RPS6KA2: variants seen among roughly 807,000 people sequenced by gnomAD.
RPS6KA2 encodes the protein ribosomal protein S6 kinase A2, also known as ribosomal protein S6 kinase alpha-2.
RPS6KA2 carries 42 observed loss-of-function variants against 91.8 expected under a neutral mutation model. The ratio of observed to expected loss-of-function variants is 0.46; its 90% CI spans 0.36 to 0.59. The LOEUF (loss-of-function observed/expected upper bound fraction) is 0.59. RPS6KA2 is among the 20% of genes least tolerant of loss of function. The pLI, the probability that RPS6KA2 is intolerant of heterozygous loss-of-function variation, is 0.00. For synonymous variants in RPS6KA2, 414 were observed against 393.6 expected (o/e 1.05, Z -0.61); for missense variants, 798 against 978.5 (o/e 0.82, Z 2.46).
At position 166,490,545 on chromosome 6, in the gene RPS6KA2, T is replaced by G; in HGVS notation, c.818+126A>C. 1 of 719,444 alleles carries G rather than the reference T, an allele frequency of 1.4e-6. No homozygotes were observed. 44.6% of individuals were successfully genotyped at this position (719,444 alleles called of 1,614,324 possible). ...AAACCAGTGACTTTTAGAAAACAGC[T>G]TACAATACTTTGGCACTGTAAGCCT... On this transcript the variant is annotated intron_variant, in intron 9 of 20. Coordinates refer to ENST00000265678, the MANE Select transcript of RPS6KA2 (RefSeq NM_021135.6). The surrounding 1 kb of genome is among the most constrained non-coding windows in gnomAD (Gnocchi z 4.2).
At chr6:166,608,973 G>A (rs190168557) in intron 1 of RPS6KA2, among the ~76,000 whole-genome samples, 3 of 152,254 alleles carry the variant, frequency 2.0e-5, no homozygotes, top group Admixed American at 2.0e-4. Flanking sequence ...GGCACTTTCC[G>A]GAACATGTCA....
At position 166,526,187 on chromosome 6, in the gene RPS6KA2, A is replaced by G. The variant is rs144965892; in HGVS notation, c.298+5045T>C. 5.8e-4 allele frequency among the ~76,000 whole-genome samples: 89 copies of G among 152,238 alleles called. 1 individual carries two copies. The Middle Eastern group carries it at 0.01, about 17-fold the overall frequency. ...TTTTCTCTTCAGAAAATAGATTCCAATGAAATTTTTGGGAAAAAAAAATCT... is the reference window on the plus strand; with the variant it reads ...TTTTCTCTTCAGAAAATAGATTCCAGTGAAATTTTTGGGAAAAAAAAATCT... On this transcript the variant is annotated intron_variant, in intron 3 of 20. Transcript: ENST00000265678.
At chr6:166,817,028 AT>A (rs1181020946) in intron 2 of RPS6KA2, among the ~76,000 whole-genome samples, 1 of 152,190 alleles carries the variant, frequency 6.6e-6, no homozygotes, top group Non-Finnish European at 1.5e-5. Flanking sequence ...TCAAACCATG[AT>A]TCAAATAAGG....
rs551325912 is a variant in RPS6KA2 at position 166,411,395 on chromosome 6, C to T, written c.*1367G>A. On this transcript the variant is annotated 3_prime_UTR_variant, in exon 21 of 21. Coordinates refer to ENST00000265678, the MANE Select transcript of RPS6KA2 (RefSeq NM_021135.6). This position sits in a 1 kb window ranked among gnomAD's most constrained non-coding sequence, Gnocchi z 4.5. ...GTGAGGGGCTGAGCGGCGCCTCCTC[C>T]CATCTAGTCTGCTTGGGGGCCGCCA... The T allele has an allele frequency of 6.6e-6, 1 of 152,164 alleles. No individual in the cohort carries two copies. The highest frequency in any genetic ancestry group is 2.1e-4 in the South Asian group (1 of 4,816). 9.4% of individuals were successfully genotyped at this position (152,164 alleles called of 1,614,324 possible). A position where few individuals can be genotyped will look rare whatever the true frequency, so the allele number is the denominator to read the frequency against.
intron 1 of RPS6KA2, among the ~76,000 whole-genome samples, chr6:166,590,422 T>C (rs1785317208): frequency 6.6e-6 from 1 of 152,176 alleles, no homozygotes; most frequent in Non-Finnish European, 1.5e-5. Context: ...ACAGATCCTA[T>C]TTCAGGGCTG....
intron 2 of RPS6KA2, among the ~76,000 whole-genome samples, chr6:166,676,480 C>G (rs968393489): frequency 1.3e-5 from 2 of 152,184 alleles, no homozygotes; most frequent in African/African-American, 4.8e-5. Flanking sequence ...CCACGCCTCA[C>G]CCTCTAGCGG....
At chr6:166,564,413 GC>G (rs1784431648) in intron 1 of RPS6KA2, among the ~76,000 whole-genome samples, 4 of 152,088 alleles carry the variant, frequency 2.6e-5, no homozygotes, top group Admixed American at 2.6e-4. Context: ...TAAACATTCT[GC>G]ACTGCAGAGG....
chr6:166,597,399 G>A (rs942337938), intron 1 of RPS6KA2, among the ~76,000 whole-genome samples: 1 of 152,220 alleles, frequency 6.6e-6, no homozygotes. Flanking sequence ...CTGGCAGCCA[G>A]GCCATGGGGG....
intron 2 of RPS6KA2, among the ~76,000 whole-genome samples, chr6:166,678,274 C>T (rs1170590028): frequency 6.6e-6 from 1 of 152,178 alleles, no homozygotes; most frequent in African/African-American, 2.4e-5. Context: ...CTGCTCCTCA[C>T]GAGGCTCTTC....
chr6:166,510,797 C>T (rs1248674176), intron 3 of RPS6KA2, among the ~76,000 whole-genome samples: 3 of 151,666 alleles, frequency 2.0e-5, no homozygotes, highest in Non-Finnish European at 2.9e-5. Context: ...CTCCCCTCCA[C>T]GTCGTTTTCC....
intron 14 of RPS6KA2, among the ~76,000 whole-genome samples, chr6:166,442,189 G>T (rs750773238): frequency 3.9e-5 from 6 of 152,216 alleles, no homozygotes; most frequent in Non-Finnish European, 8.8e-5. Context: ...GAGCTTTCCA[G>T]CTATTCTGAA....
At chr6:166,488,204 C>A (rs1781474160) in intron 10 of RPS6KA2, among the ~76,000 whole-genome samples, 1 of 150,826 alleles carries the variant, frequency 6.6e-6, no homozygotes, top group Non-Finnish European at 1.5e-5. Context: ...CTGTCTAAAC[C>A]GGAAACACCC....
rs1299255188 is a variant in RPS6KA2, at chr6:166,648,027, TAC to T, written c.124-109245_124-109244del. The stretch of plus-strand genomic sequence containing the variant: ...ACACGCACATGCTTACACACATACA[TAC>T]ACACATGCTCTCACACACATGCACA... On this transcript the variant is annotated intron_variant, in intron 2 of 21. Coordinates refer to the RPS6KA2 transcript ENST00000503859. The surrounding 1 kb of genome is among the most constrained non-coding windows in gnomAD (Gnocchi z 4.8). Among the ~76,000 whole-genome samples the T allele has an allele frequency of 2.1e-5, 2 of 95,488 alleles. No individual in the cohort carries two copies. The highest frequency in any genetic ancestry group is 4.1e-5 in the Non-Finnish European group (2 of 48,844). 62.6% of individuals were successfully genotyped at this position (95,488 alleles called of 152,430 possible).
chr6:166,701,697 G>A, intron 2 of RPS6KA2: 1 of 1,319,324 alleles, frequency 7.6e-7, no homozygotes, highest in South Asian at 1.2e-5. Flanking sequence ...TCCCTGAAGT[G>A]GGTGGGAACA....
chr6:166,475,319 C>A (rs1331050517), intron 10 of RPS6KA2, among the ~76,000 whole-genome samples: 1 of 152,232 alleles, frequency 6.6e-6, no homozygotes, highest in East Asian at 1.9e-4. Flanking sequence ...CTCACCACAC[C>A]CACTGCGTAC....
At position 166,490,960 on chromosome 6, in the gene RPS6KA2, T is replaced by G. The variant is rs1011695089; in HGVS notation, c.748-219A>C. Among the ~76,000 whole-genome samples, 34 of 152,162 alleles carry G rather than the reference T, an allele frequency of 2.2e-4. No homozygotes were observed. Among genetic ancestry groups the G allele is most frequent in the African/African-American group, 8.2e-4 (34 of 41,426 alleles). On this transcript the variant is annotated intron_variant, in intron 8 of 20. Coordinates refer to ENST00000265678, the MANE Select transcript of RPS6KA2 (RefSeq NM_021135.6). This position sits in a 1 kb window ranked among gnomAD's most constrained non-coding sequence, Gnocchi z 4.2. The stretch of plus-strand genomic sequence containing the variant: ...GTGGGTGAGACGGGTAAATGACAGA[T>G]GTGGTAGATAATCACACTCTGTGGC...
At chr6:166,814,459 G>A (rs995554655) in intron 2 of RPS6KA2, among the ~76,000 whole-genome samples, 1 of 152,236 alleles carries the variant, frequency 6.6e-6, no homozygotes, top group African/African-American at 2.4e-5. Context: ...CCATAAACCA[G>A]TACCAGCCCG....
At chr6:166,781,405 C>A (rs1308045856) in intron 2 of RPS6KA2, among the ~76,000 whole-genome samples, 1 of 152,156 alleles carries the variant, frequency 6.6e-6, no homozygotes, top group Non-Finnish European at 1.5e-5. Context: ...CCAACTTGAC[C>A]CCCTGCTGAA....
At chr6:166,793,132 A>C (rs1254875560) in intron 2 of RPS6KA2, among the ~76,000 whole-genome samples, 1 of 152,196 alleles carries the variant, frequency 6.6e-6, no homozygotes, top group Non-Finnish European at 1.5e-5. Context: ...AAATCTCCTT[A>C]AGCTGATAAC....
Sources: gnomAD v4.1 joint callset for allele counts (sites outside exome capture counted in the v4.1 genomes callset) on GRCh38, gnomAD v4.1.1 for gene constraint, Gnocchi (gnomAD v3.1) non-coding constraint, MANE v1.5 for transcripts, NCBI Gene and HGNC (gene_info 2026-07-23, HGNC 2026-07-21) for gene names.